The following NPAS2 variants were observed in gnomAD, a reference collection of about 807,000 sequenced individuals.
NPAS2 encodes neuronal PAS domain-containing protein 2.
A neutral mutation model predicts 107.5 loss-of-function variants in NPAS2; 23 were observed. The ratio of observed to expected loss-of-function variants is 0.21; its 90% CI spans 0.15 to 0.30. The LOEUF is 0.30. Ranked by LOEUF, NPAS2 falls within the 10% of genes least tolerant of loss-of-function variation. The pLI is 1.00. For synonymous variants in NPAS2, 403 were observed against 417.5 expected (o/e 0.97, Z 0.42); for missense variants, 756 against 1,043.3 (o/e 0.72, Z 3.79).
rs1553461888 is a variant in NPAS2, at chr2:100,959,101, A to AAACAAAAAC, written c.599-4955_599-4954insCAAAAACAA. Among the ~76,000 whole-genome samples, 4 of 99,368 alleles carry AAACAAAAAC rather than the reference A, an allele frequency of 4.0e-5. 1 individual carries two copies. Among genetic ancestry groups the AAACAAAAAC allele is most frequent in the African/African-American group, 1.9e-4 (4 of 21,446 alleles). 65.2% of individuals were successfully genotyped at this position (99,368 alleles called of 152,430 possible). A position where few individuals can be genotyped will look rare whatever the true frequency, so the allele number is the denominator to read the frequency against. On this transcript the variant is annotated intron_variant, in intron 7 of 20. Transcript: ENST00000335681. ...AACCCCATCTCTTCAAAAAAAAAAAAAAAAAAAACAAAACTAAAATTAGCC... is the reference window on the plus strand; with the variant it reads ...AACCCCATCTCTTCAAAAAAAAAAAAAACAAAAACAAAAAAAACAAAACTAAAATTAGCC...
intron 2 of NPAS2, among the ~76,000 whole-genome samples, chr2:100,908,223 C>T (rs962683178): frequency 6.6e-6 from 1 of 152,126 alleles, no homozygotes; most frequent in Non-Finnish European, 1.5e-5. Context: ...ATAGTAGCTA[C>T]TTATTGCAGA....
intron 7 of NPAS2, among the ~76,000 whole-genome samples, chr2:100,956,583 C>T (rs183198471): frequency 1.9e-4 from 29 of 152,310 alleles, no homozygotes; most frequent in South Asian, 4.1e-4. Flanking sequence ...ACGGCTAACG[C>T]GCTCTCTTCT....
At chr2:100,863,044 C>T (rs1464381204) in intron 1 of NPAS2, among the ~76,000 whole-genome samples, 8 of 152,160 alleles carry the variant, frequency 5.3e-5, no homozygotes, top group South Asian at 2.1e-4. Flanking sequence ...AGCCTTAGCC[C>T]GTGCACAGCA....
chr2:100,926,811 T>G (rs966672457), intron 3 of NPAS2, among the ~76,000 whole-genome samples: 2 of 152,200 alleles, frequency 1.3e-5, no homozygotes, highest in African/African-American at 4.8e-5. Flanking sequence ...AATGTCAAAT[T>G]TATTTTTTTC....
intron 1 of NPAS2, among the ~76,000 whole-genome samples, chr2:100,851,228 T>A (rs1038969073): frequency 6.6e-6 from 1 of 152,206 alleles, no homozygotes; most frequent in Non-Finnish European, 1.5e-5. Context: ...GGACGTAGTT[T>A]ACACAACAGT....
chr2:100,950,532 G>C (rs1311255871), intron 7 of NPAS2, among the ~76,000 whole-genome samples: 1 of 152,236 alleles, frequency 6.6e-6, no homozygotes, highest in Non-Finnish European at 1.5e-5. Context: ...ATGGCACCAA[G>C]TCCTCACATC....
At chr2:100,935,135 A>G (rs1434826459) in intron 4 of NPAS2, 1 of 972,436 alleles carries the variant, frequency 1.0e-6, no homozygotes, top group Non-Finnish European at 1.2e-6. Flanking sequence ...CAAGCTGGTA[A>G]AGTATCAGCT....
At chr2:100,934,792 A>AT (rs1032633757) in intron 4 of NPAS2, 2 of 985,242 alleles carry the variant, frequency 2.0e-6, no homozygotes, top group African/African-American at 3.5e-5. Flanking sequence ...TGATGTCACC[A>AT]TTGTCCAGTG....
At chr2:100,950,882 A>T (rs773919349) in intron 7 of NPAS2, among the ~76,000 whole-genome samples, 6 of 152,236 alleles carry the variant, frequency 3.9e-5, no homozygotes, top group Non-Finnish European at 4.4e-5. Flanking sequence ...TCTAAACTTC[A>T]TGAAATGAAT....
At chr2:100,900,162 C>T (rs1037349401) in intron 1 of NPAS2, among the ~76,000 whole-genome samples, 2 of 152,158 alleles carry the variant, frequency 1.3e-5, no homozygotes, top group African/African-American at 4.8e-5. Flanking sequence ...ACCAAGGCCA[C>T]CCACAGACTG....
At chr2:100,963,998 G>T in intron 7 of NPAS2, 60 bp from the exon 8 acceptor site, 1 of 1,031,544 alleles carries the variant, frequency 9.7e-7, no homozygotes, top group Non-Finnish European at 1.5e-6. Flanking sequence ...GCCAACTAGG[G>T]ATTGGCTGCT....
intron 1 of NPAS2, among the ~76,000 whole-genome samples, chr2:100,835,413 C>T (rs1023161872): frequency 1.3e-5 from 2 of 152,160 alleles, no homozygotes; most frequent in South Asian, 2.1e-4. Flanking sequence ...GGTCACTGTG[C>T]GGCGGCTGGG....
rs999605187 is a variant in NPAS2, at chr2:100,995,888, C to T, written c.*306C>T. The T allele has an allele frequency of 1.2e-5, 17 of 1,464,718 alleles. No individual in the cohort carries two copies. In the Admixed American group the frequency reaches 1.7e-4, roughly 14 times the overall value. The allele number at this position is 1,464,718 out of a possible 1,614,324, so 90.7% of individuals were successfully genotyped here. A position where few individuals can be genotyped will look rare whatever the true frequency, so the allele number is the denominator to read the frequency against. On this transcript the variant is annotated 3_prime_UTR_variant, in exon 21 of 21. Transcript: ENST00000335681. ...GTTTGCCGTCAGAGATGGCGCATCT[C>T]GCTGCATCCCCCGAGAGTACACCGG...
intron 3 of NPAS2, among the ~76,000 whole-genome samples, chr2:100,932,679 C>T (rs1367870614): frequency 1.3e-5 from 2 of 151,144 alleles, no homozygotes; most frequent in Non-Finnish European, 2.9e-5. Context: ...GGCACCACAG[C>T]CATAGAGAAG....
intron 1 of NPAS2, among the ~76,000 whole-genome samples, chr2:100,858,286 T>TC (rs1678711699): frequency 6.6e-6 from 1 of 152,160 alleles, no homozygotes; most frequent in Non-Finnish European, 1.5e-5. Flanking sequence ...AGAAAGAAAG[T>TC]GATTTGCCAG....
intron 1 of NPAS2, among the ~76,000 whole-genome samples, chr2:100,895,052 A>G (rs1385075238): frequency 6.6e-6 from 1 of 152,190 alleles, no homozygotes; most frequent in Non-Finnish European, 1.5e-5. Context: ...TACAGTTATC[A>G]CTAGCTAGTC....
Position 100,949,401 on chromosome 2 carries a change from C to T in NPAS2, c.519C>T (p.Leu173=), listed in dbSNP as rs761986499. 9 of 1,613,690 alleles carry T rather than the reference C, an allele frequency of 5.6e-6. No individual in the cohort carries two copies. The highest frequency in any genetic ancestry group is 7.6e-6 in the Non-Finnish European group (9 of 1,179,614). Reference sequence around the variant, plus strand: ...ATTTAGAGTTTTATTGCCATCTTCTCAGAGGCAGCTTGAACCCAAAGGAAT... The same window carrying T: ...ATTTAGAGTTTTATTGCCATCTTCTTAGAGGCAGCTTGAACCCAAAGGAAT... ...DSDLEFYCHL[L]RGSLNPKEFP... Residue 173 remains leucine, a synonymous_variant, in exon 7 of 21, where the codon CTC becomes CTT. Transcript: ENST00000335681.
At chr2:100,852,260 G>C (rs1204846384) in intron 1 of NPAS2, among the ~76,000 whole-genome samples, 1 of 152,212 alleles carries the variant, frequency 6.6e-6, no homozygotes, top group African/African-American at 2.4e-5. Flanking sequence ...AGCCGGGCGT[G>C]GTGGTGGGTG....
At chr2:100,836,228 A>G (rs996222672) in intron 1 of NPAS2, among the ~76,000 whole-genome samples, 1 of 152,128 alleles carries the variant, frequency 6.6e-6, no homozygotes, top group Non-Finnish European at 1.5e-5. Context: ...ATTGACATAC[A>G]TATACACACA....
Sources: gnomAD v4.1 joint callset for allele counts (sites outside exome capture counted in the v4.1 genomes callset) on GRCh38, gnomAD v4.1.1 for gene constraint, MANE v1.5 for transcripts, NCBI Gene and HGNC (gene_info 2026-07-23, HGNC 2026-07-21) for gene names.